The following ITGA1 variants were observed in gnomAD, a reference collection of about 807,000 sequenced individuals.
ITGA1 encodes integrin alpha-1.
In ITGA1, 85 loss-of-function variants were observed where a neutral mutation model predicts 145.9. The ratio of observed to expected loss-of-function variants is 0.58; its 90% CI spans 0.49 to 0.70. The LOEUF (loss-of-function observed/expected upper bound fraction) is 0.70, where lower values mean the gene tolerates loss of function less well. ITGA1 is among the 30% of genes least tolerant of loss of function. The pLI is 0.00. For synonymous variants in ITGA1, 520 were observed against 495.3 expected, an observed-to-expected ratio of 1.05 and a Z score of -0.66; for missense variants, 1,351 against 1,418.7, an observed-to-expected ratio of 0.95 and a Z score of 0.77.
At chr5:52,893,926 C>T in intron 9 of ITGA1, 86 bp downstream of exon 9, 1 of 925,132 alleles carries the variant, frequency 1.1e-6, no homozygotes, top group Non-Finnish European at 1.6e-6. Flanking sequence ...CCTAATACAT[C>T]AGTAATACTT....
At chr5:52,817,680 C>A (rs1442450069) in intron 1 of ITGA1, among the ~76,000 whole-genome samples, 1 of 152,186 alleles carries the variant, frequency 6.6e-6, no homozygotes, top group Non-Finnish European at 1.5e-5. Flanking sequence ...ACATTTATTT[C>A]ATCTACCAGA....
intron 2 of ITGA1, among the ~76,000 whole-genome samples, chr5:52,855,063 C>T (rs1458891745): frequency 6.6e-6 from 1 of 152,152 alleles, no homozygotes; most frequent in Non-Finnish European, 1.5e-5. Flanking sequence ...AAACAATGTG[C>T]CTGGGCCTTC....
At chr5:52,862,646 A>G (rs1373259045) in intron 3 of ITGA1, among the ~76,000 whole-genome samples, 1 of 152,186 alleles carries the variant, frequency 6.6e-6, no homozygotes, top group Non-Finnish European at 1.5e-5. Flanking sequence ...AATCAGAGGA[A>G]TTGTAATAGA....
At chr5:52,929,723 T>C (rs1426254185) in intron 21 of ITGA1, 22 bp downstream of exon 21, 5 of 1,276,624 alleles carry the variant, frequency 3.9e-6, no homozygotes, top group African/African-American at 1.5e-5. Context: ...TGTGTATAAA[T>C]GTATGTATAT....
intron 1 of ITGA1, among the ~76,000 whole-genome samples, chr5:52,847,837 T>C (rs992332612): frequency 1.3e-5 from 2 of 152,146 alleles, no homozygotes; most frequent in South Asian, 4.1e-4. Flanking sequence ...GCATGAGCCA[T>C]CATGGCCCCC....
In ITGA1 at chr5:52,944,997, G is replaced by T; in HGVS notation, c.3340G>T (p.Ala1114Ser). Reference protein sequence around the residue: ...TIRGELRSENASLVLSSSNQK... With the variant: ...TIRGELRSENSSLVLSSSNQK... ...AAGGGGAGAACTTCGGAGTGAAAAT[G>T]CATCTCTGGTTTTAAGTAGCAGCAA... The change falls in exon 27 of 29, where the codon GCA (alanine) becomes TCA (serine). Residue 1114 changes from alanine (A) to serine (S), a missense_variant. Coordinates refer to ENST00000282588, the MANE Select transcript of ITGA1 (RefSeq NM_181501.2). 1 of 1,613,354 alleles carries T rather than the reference G, an allele frequency of 6.2e-7. No individual in the cohort carries two copies.
chr5:52,869,932 T>G (rs987520036), intron 6 of ITGA1, among the ~76,000 whole-genome samples: 3 of 152,208 alleles, frequency 2.0e-5, no homozygotes, highest in Admixed American at 6.5e-5. Context: ...CCATTGCTTT[T>G]GCTAAATAAC....
intron 1 of ITGA1, chr5:52,800,652 C>G: frequency 6.2e-7 from 1 of 1,614,094 alleles, no homozygotes; most frequent in African/African-American, 1.3e-5. Context: ...TTAAGGGGAC[C>G]AACATCCAAG....
At chr5:52,932,968 C>CACATGCTT (rs1389384176) in intron 22 of ITGA1, 2 of 148,308 alleles carry the variant, frequency 1.3e-5, no homozygotes, top group East Asian at 4.0e-4. Context: ...TAAACCATTT[C>CACATGCTT]ACATGCTTTT....
At chr5:52,950,132 G>T (rs1249378466) in intron 28 of ITGA1, among the ~76,000 whole-genome samples, 2 of 152,174 alleles carry the variant, frequency 1.3e-5, no homozygotes, top group African/African-American at 4.8e-5. Flanking sequence ...GAATCTTGTA[G>T]GGGACGTAGG....
rs751928489 is a variant in ITGA1, at chr5:52,788,314, C to A, written c.-40C>A. ...AGCTCCCGCGCCCGGTCCTGCCCTG[C>A]GAACCAGCGCGGCCCCCTGGCGCTG... On this transcript the variant is annotated 5_prime_UTR_variant, in exon 1 of 29. Coordinates refer to ENST00000282588, the MANE Select transcript of ITGA1 (RefSeq NM_181501.2). 3 of 1,473,682 alleles carry A rather than the reference C, an allele frequency of 2.0e-6. No individual in the cohort carries two copies. The highest frequency in any genetic ancestry group is 1.8e-6 in the Non-Finnish European group (2 of 1,115,342). 91.3% of individuals were successfully genotyped at this position (1,473,682 alleles called of 1,614,324 possible). A position where few individuals can be genotyped will look rare whatever the true frequency, so the allele number is the denominator to read the frequency against.
chr5:52,893,564 T>A lies in ITGA1; in HGVS notation c.925-111T>A. 3.4e-6 allele frequency: 3 copies of A among 877,804 alleles called. No homozygotes were observed. The South Asian group carries it at 7.8e-5, about 23-fold the overall frequency. The allele number at this position is 877,804 out of a possible 1,614,324, so 54.4% of individuals were successfully genotyped here. On this transcript the variant is annotated intron_variant, in intron 8 of 28. Coordinates refer to ENST00000282588, the MANE Select transcript of ITGA1 (RefSeq NM_181501.2). ...CCATAAATATGAAAGTACATAAAAA[T>A]TCCATTATGCTAAGGTACTCTACAC...
intron 6 of ITGA1, among the ~76,000 whole-genome samples, chr5:52,880,407 C>G (rs1299861667): frequency 6.6e-6 from 1 of 152,108 alleles, no homozygotes; most frequent in Non-Finnish European, 1.5e-5. Flanking sequence ...TAGAGGGTAA[C>G]TCAAAGATGA....
intron 15 of ITGA1, among the ~76,000 whole-genome samples, chr5:52,917,119 A>G (rs989653578): frequency 6.6e-6 from 1 of 152,220 alleles, no homozygotes; most frequent in Non-Finnish European, 1.5e-5. Context: ...TTGGAAGCAA[A>G]TAGTGAGAGT....
In ITGA1 at chr5:52,788,177, A is replaced by C. The variant is rs2270756; in HGVS notation, c.-177A>C. ...GAAAAGCGTGGAGCGCATTTAGAGG[A>C]ATTCGACGAAAACACAGGAAATCAC... On this transcript the variant is annotated 5_prime_UTR_variant, in exon 1 of 29. Coordinates refer to ENST00000282588, the MANE Select transcript of ITGA1 (RefSeq NM_181501.2). The C allele has an allele frequency of 0.78, 368,474 of 475,042 alleles. 143,415 individuals are homozygous for C. Among genetic ancestry groups the C allele is most frequent in the Non-Finnish European group, 0.79 (211,677 of 268,176 alleles). 29.4% of individuals were successfully genotyped at this position (475,042 alleles called of 1,614,324 possible). A position where few individuals can be genotyped will look rare whatever the true frequency, so the allele number is the denominator to read the frequency against.
intron 1 of ITGA1, among the ~76,000 whole-genome samples, chr5:52,825,941 G>A (rs865943498): frequency 3.4e-5 from 5 of 148,600 alleles, no homozygotes; most frequent in Non-Finnish European, 5.9e-5. Context: ...AAAAAGGAAA[G>A]AAGTTAGTCT....
At chr5:52,825,282 T>C (rs1364266129) in intron 1 of ITGA1, 1 of 152,228 alleles carries the variant, frequency 6.6e-6, no homozygotes, top group African/African-American at 2.4e-5. Flanking sequence ...TGTATCAGTA[T>C]AGGCCCATCT....
At chr5:52,939,042 A>G (rs1414214600) in intron 24 of ITGA1, among the ~76,000 whole-genome samples, 2 of 152,044 alleles carry the variant, frequency 1.3e-5, no homozygotes, top group African/African-American at 4.8e-5. Flanking sequence ...AGCTGGGACT[A>G]CAGGCGCCTG....
intron 1 of ITGA1, among the ~76,000 whole-genome samples, chr5:52,794,182 C>A (rs1561209402): frequency 6.6e-6 from 1 of 151,834 alleles, no homozygotes; most frequent in Non-Finnish European, 1.5e-5. Flanking sequence ...AGTGGATACA[C>A]ATACTCTTTT....
Sources: allele counts gnomAD v4.1 joint callset (sites outside exome capture counted in the v4.1 genomes callset), GRCh38; gene constraint gnomAD v4.1.1; transcripts MANE v1.5; gene names NCBI Gene and HGNC (gene_info 2026-07-23, HGNC 2026-07-21).